Variants in NF2 observed in about 807,000 individuals in gnomAD.
The protein encoded by NF2 is merlin.
A neutral mutation model predicts 83.7 loss-of-function variants in NF2; 8 were observed. That is an observed-to-expected ratio of 0.10 (90% CI 0.06 to 0.17). NF2 has a LOEUF of 0.17. NF2 is among the 10% of genes least tolerant of loss of function. The pLI, the probability that NF2 is intolerant of heterozygous loss-of-function variation, is 1.00. For missense variants in NF2, 533 were observed against 744.4 expected, an observed-to-expected ratio of 0.72 and a Z score of 3.31; for synonymous variants, 266 against 269.6, an observed-to-expected ratio of 0.99 and a Z score of 0.13.
At chr22:29,668,501 G>T in intron 10 of NF2, 55 bp downstream of exon 10, 1 of 1,376,024 alleles carries the variant, frequency 7.3e-7, no homozygotes, top group South Asian at 1.2e-5. Context: ...GTCCTGGCCT[G>T]GGAGGCGAGG....
chr22:29,689,160 G>A (rs1348398754), intron 15 of NF2, among the ~76,000 whole-genome samples: 2 of 125,918 alleles, frequency 1.6e-5, no homozygotes, highest in South Asian at 2.6e-4. Flanking sequence ...GCCTGGCAAC[G>A]GAGTGAGACT....
In NF2 at chr22:29,668,341, G is replaced by C; in HGVS notation, c.894G>C (p.Gln298His). 1.2e-6 allele frequency: 2 copies of C among 1,613,262 alleles called. No homozygotes were observed. The highest frequency in any genetic ancestry group is 1.7e-5 in the Admixed American group (1 of 60,010). ...SKLRVNKLIL[Q>H]LCIGNHDLFM... ...TGCTTCTGTGGCCACAGATTCTCCA[G>C]CTATGTATCGGGAACCATGATCTAT... The change falls in exon 10 of 16, where the codon CAG becomes CAC. Residue 298 changes from glutamine to histidine, a missense_variant. This residue lies in a region of NF2 where 326 missense variants were observed against 475.1 expected (regional missense o/e 0.69). Coordinates refer to ENST00000338641, the MANE Select transcript of NF2 (RefSeq NM_000268.4).
At chr22:29,612,169 G>A (rs1485521804) in intron 1 of NF2, among the ~76,000 whole-genome samples, 1 of 152,048 alleles carries the variant, frequency 6.6e-6, no homozygotes, top group Non-Finnish European at 1.5e-5. Flanking sequence ...CACCATGCCT[G>A]GCTAATTTTT....
At chr22:29,662,056 T>C (rs1299953926) in intron 8 of NF2, among the ~76,000 whole-genome samples, 1 of 152,244 alleles carries the variant, frequency 6.6e-6, no homozygotes, top group African/African-American at 2.4e-5. Context: ...GGTCCCATAA[T>C]GTATAATCTT....
intron 1 of NF2, among the ~76,000 whole-genome samples, chr22:29,605,565 C>T (rs2064769986): frequency 1.3e-5 from 2 of 152,150 alleles, no homozygotes; most frequent in Non-Finnish European, 1.5e-5. Flanking sequence ...TCGCCTTGGC[C>T]TCCCAAAGTG....
At chr22:29,641,062 G>C (rs1365120597) in intron 3 of NF2, among the ~76,000 whole-genome samples, 1 of 152,192 alleles carries the variant, frequency 6.6e-6, no homozygotes, top group Non-Finnish European at 1.5e-5. Flanking sequence ...GAACCCGGGA[G>C]GTGGAGGTTG....
At chr22:29,692,926 G>A (rs1411614396) in intron 15 of NF2, among the ~76,000 whole-genome samples, 3 of 152,244 alleles carry the variant, frequency 2.0e-5, no homozygotes, top group Non-Finnish European at 4.4e-5. Context: ...ACTGAGGCTA[G>A]AGGGGAGCAA....
intron 6 of NF2, 66 bp from the exon 7 acceptor site, chr22:29,658,123 G>T (rs2146988052): frequency 2.0e-6 from 3 of 1,466,116 alleles, no homozygotes; most frequent in Non-Finnish European, 2.9e-6. Flanking sequence ...TGCTTGATTT[G>T]GTGCCCACCC....
intron 15 of NF2, among the ~76,000 whole-genome samples, chr22:29,689,136 G>A (rs941555309): frequency 2.1e-5 from 3 of 143,600 alleles, no homozygotes; most frequent in South Asian, 2.2e-4. Context: ...CGGAGATCGC[G>A]CCACTGCAGT....
intron 15 of NF2, among the ~76,000 whole-genome samples, chr22:29,682,153 A>G (rs1005735345): frequency 2.0e-5 from 3 of 152,164 alleles, no homozygotes; most frequent in African/African-American, 7.2e-5. Context: ...AGCTTTCAGC[A>G]TTGTCGAGAT....
In NF2 at chr22:29,694,912, G is replaced by A; in HGVS notation, c.*110G>A. The A allele has an allele frequency of 8.5e-7, 1 of 1,175,058 alleles. No homozygotes were observed. The highest frequency in any genetic ancestry group is 1.2e-6 in the Non-Finnish European group (1 of 806,238). 72.8% of individuals were successfully genotyped at this position (1,175,058 alleles called of 1,614,324 possible). A position where few individuals can be genotyped will look rare whatever the true frequency, so the allele number is the denominator to read the frequency against. On this transcript the variant is annotated 3_prime_UTR_variant, in exon 16 of 16. Transcript: ENST00000338641. The surrounding 1 kb of genome is among the most constrained non-coding windows in gnomAD (Gnocchi z 4.1). ...AGGGAGCTGGCTGGGGGTTTCCGTG[G>A]GAGCTCCAGAACTTTCCCCAGCTGA...
intron 9 of NF2, among the ~76,000 whole-genome samples, chr22:29,668,077 A>C (rs553249295): frequency 7.8e-6 from 1 of 128,716 alleles, no homozygotes; most frequent in East Asian, 2.3e-4. Flanking sequence ...CCCAGAAGAC[A>C]TGGTGAAGTG....
chr22:29,685,958 T>C (rs897877417), intron 15 of NF2, among the ~76,000 whole-genome samples: 2 of 151,248 alleles, frequency 1.3e-5, no homozygotes, highest in Admixed American at 6.6e-5. Context: ...GCTCTCTCTT[T>C]TTTTTTTTTT....
In NF2 at chr22:29,636,037, C is replaced by T. The variant is rs1393507262; in HGVS notation, c.115-714C>T. On this transcript the variant is annotated intron_variant, in intron 1 of 15. Transcript: ENST00000338641. The surrounding 1 kb of genome is among the most constrained non-coding windows in gnomAD (Gnocchi z 4.4). ...ATGGAATAGCTGAGAAAAGAGATTGCCATTGCTTCAGGTTCTTTTGAAAGT... is the reference window on the plus strand; with the variant it reads ...ATGGAATAGCTGAGAAAAGAGATTGTCATTGCTTCAGGTTCTTTTGAAAGT... Among the ~76,000 whole-genome samples the T allele has an allele frequency of 1.3e-5, 2 of 152,158 alleles. No individual in the cohort carries two copies. The highest frequency in any genetic ancestry group is 6.5e-5 in the Admixed American group (1 of 15,272).
chr22:29,622,602 A>G (rs2065240936), intron 1 of NF2, among the ~76,000 whole-genome samples: 1 of 150,000 alleles, frequency 6.7e-6, no homozygotes, highest in Non-Finnish European at 1.5e-5. Context: ...GACTTTTACA[A>G]TCCGCTTCCC....
chr22:29,677,167 C>T (rs1360481612), intron 13 of NF2, among the ~76,000 whole-genome samples: 1 of 152,068 alleles, frequency 6.6e-6, no homozygotes, highest in Non-Finnish European at 1.5e-5. Flanking sequence ...GAAGATACAG[C>T]CAAAAAGAAA....
intron 4 of NF2, among the ~76,000 whole-genome samples, chr22:29,642,866 T>C (rs752373285): frequency 5.3e-5 from 8 of 152,226 alleles, no homozygotes; most frequent in Non-Finnish European, 8.8e-5. Flanking sequence ...TAGCTGTTCA[T>C]GTGGCTAAGC....
At chr22:29,656,292 C>T (rs2066304434) in intron 6 of NF2, among the ~76,000 whole-genome samples, 1 of 152,072 alleles carries the variant, frequency 6.6e-6, no homozygotes, top group African/African-American at 2.4e-5. Context: ...CTTTTGCATC[C>T]ATCCCTTTAT....
At chr22:29,647,165 T>C (rs2066006522) in intron 4 of NF2, among the ~76,000 whole-genome samples, 1 of 152,190 alleles carries the variant, frequency 6.6e-6, no homozygotes, top group African/African-American at 2.4e-5. Context: ...GTGTTCTTAT[T>C]GAAAATGACT....
Sources: allele counts gnomAD v4.1 joint callset (sites outside exome capture counted in the v4.1 genomes callset), GRCh38; gene constraint gnomAD v4.1.1; regional missense constraint gnomAD v4.1.1; non-coding constraint Gnocchi (gnomAD v3.1); transcripts MANE v1.5; gene names NCBI Gene and HGNC (gene_info 2026-07-23, HGNC 2026-07-21).